Variants in TRIM16 observed in about 807,000 individuals in gnomAD.
TRIM16 encodes the protein tripartite motif-containing protein 16.
Under a neutral mutation model 50.4 loss-of-function variants are expected in TRIM16, and 33 were observed. That is an observed-to-expected ratio of 0.65 (90% CI 0.50 to 0.88). The LOEUF (loss-of-function observed/expected upper bound fraction) is 0.88, where lower values mean the gene tolerates loss of function less well. Among genes scored for constraint, TRIM16 ranks in the 40% least tolerant of loss-of-function variants. TRIM16 has a pLI of 0.00. For synonymous variants in TRIM16, 229 were observed against 270.7 expected, an observed-to-expected ratio of 0.85 and a Z score of 1.51; for missense variants, 581 against 686.8, an observed-to-expected ratio of 0.85 and a Z score of 1.72.
intron 6 of TRIM16, among the ~76,000 whole-genome samples, chr17:15,667,725 C>T (rs1372762936): frequency 6.6e-6 from 1 of 151,934 alleles, no homozygotes; most frequent in Non-Finnish European, 1.5e-5. Flanking sequence ...TCCTATATAC[C>T]CCACACCCAA....
chr17:15,634,736 G>A (rs1331169689), intron 9 of TRIM16, among the ~76,000 whole-genome samples: 5 of 148,698 alleles, frequency 3.4e-5, no homozygotes, highest in Non-Finnish European at 6.0e-5. Context: ...GCTTGAATCC[G>A]GGAGGCGGAG....
At chr17:15,673,655 T>G (rs1029154346) in intron 6 of TRIM16, among the ~76,000 whole-genome samples, 4 of 151,740 alleles carry the variant, frequency 2.6e-5, no homozygotes, top group Non-Finnish European at 5.9e-5. Flanking sequence ...ACCAAAAAAG[T>G]TACTCTAACA....
chr17:15,655,809 C>T (rs1245867665), intron 6 of TRIM16, among the ~76,000 whole-genome samples: 3 of 152,144 alleles, frequency 2.0e-5, no homozygotes, highest in African/African-American at 7.2e-5. Flanking sequence ...CTCCTGACCT[C>T]GTGATCTGCC....
chr17:15,668,087 A>G (rs1013809691), intron 6 of TRIM16, among the ~76,000 whole-genome samples: 7 of 151,930 alleles, frequency 4.6e-5, no homozygotes, highest in African/African-American at 1.7e-4. Context: ...TCCTCTCTGT[A>G]TCTCACCCCG....
intron 1 of TRIM16, 41 bp from the exon 2 acceptor site, chr17:15,683,198 A>T: frequency 7.1e-7 from 1 of 1,416,432 alleles, no homozygotes; most frequent in South Asian, 1.3e-5. Flanking sequence ...CCCCTTTTTC[A>T]TTGTATTTCT....
At chr17:15,629,281 A>G (rs1823253706) in intron 11 of TRIM16, 83 bp from the exon 12 acceptor site, 1 of 767,322 alleles carries the variant, frequency 1.3e-6, no homozygotes. Context: ...GCTGGGCTCC[A>G]AAGCACATAT....
rs987170665 is a variant in TRIM16, at chr17:15,628,396, G to A, written c.*219C>T. The A allele has an allele frequency of 7.4e-6, 4 of 542,742 alleles. No individual in the cohort carries two copies. The highest frequency in any genetic ancestry group is 3.3e-5 in the South Asian group (1 of 30,274). 33.6% of individuals were successfully genotyped at this position (542,742 alleles called of 1,614,324 possible). A position where few individuals can be genotyped will look rare whatever the true frequency, so the allele number is the denominator to read the frequency against. ...TGCTCTCCAGCCTGGGCAACAGTGC[G>A]AGACTCCGTCTCAAAAAAAAAAAAA... is the stretch of plus-strand genomic sequence containing the variant. On this transcript the variant is annotated 3_prime_UTR_variant, in exon 12 of 12. Transcript: ENST00000649191.
At chr17:15,680,785 T>G in intron 4 of TRIM16, 80 bp downstream of exon 4, 2 of 1,456,398 alleles carry the variant, frequency 1.4e-6, no homozygotes, top group Non-Finnish European at 1.8e-6. Flanking sequence ...GGAATTAAAA[T>G]AAGATTTCTG....
Position 15,628,511 on chromosome 17 carries a change from T to A in TRIM16, c.*104A>T. On this transcript the variant is annotated 3_prime_UTR_variant, in exon 12 of 12. Coordinates refer to ENST00000649191, the MANE Select transcript of TRIM16 (RefSeq NM_001348119.1). ...TTTCATTCAGAGACCCCATAGGATT[T>A]CAAAAGCCAGCTACCATCAGCAGTT... The A allele has an allele frequency of 8.0e-7, 1 of 1,247,140 alleles. No individual in the cohort carries two copies. Among genetic ancestry groups the A allele is most frequent in the East Asian group, 2.5e-5 (1 of 39,280 alleles). The allele number at this position is 1,247,140 out of a possible 1,614,324, so 77.3% of individuals were successfully genotyped here.
chr17:15,660,691 G>C lies in TRIM16; in HGVS notation c.-337-8745C>G, dbSNP rs549403597. Among the ~76,000 whole-genome samples, 4 of 152,236 alleles carry C rather than the reference G, an allele frequency of 2.6e-5. No individual in the cohort carries two copies. In the South Asian group the frequency reaches 8.3e-4, roughly 32 times the overall value. On this transcript the variant is annotated intron_variant, in intron 6 of 11. Transcript: ENST00000649191. ...AGGTGGGTGGATCACGAGGTCAGGA[G>C]ATTGAGAACAACCTGGCTAACACGG...
At chr17:15,643,783 A>AG (rs1180904606) in intron 7 of TRIM16, among the ~76,000 whole-genome samples, 1 of 152,258 alleles carries the variant, frequency 6.6e-6, no homozygotes, top group Non-Finnish European at 1.5e-5. Flanking sequence ...AGTTGAGCCT[A>AG]GGCTGACCCC....
chr17:15,663,537 G>A (rs1988340879), intron 6 of TRIM16, among the ~76,000 whole-genome samples: 1 of 152,154 alleles, frequency 6.6e-6, no homozygotes, highest in African/African-American at 2.4e-5. Flanking sequence ...CGAGGATAAA[G>A]AAACAGAAAA....
chr17:15,641,559 GGTTCTACAGGT>G (rs1300444912), intron 8 of TRIM16, among the ~76,000 whole-genome samples: 1 of 148,824 alleles, frequency 6.7e-6, no homozygotes, highest in Non-Finnish European at 1.5e-5. Context: ...CCCTCCATGT[GGTTCTACAGGT>G]TATCTTGAGC....
Position 15,628,402 on chromosome 17 carries a change from C to G in TRIM16, c.*213G>C. 1.8e-6 allele frequency: 1 copy of G among 561,052 alleles called. No homozygotes were observed. The highest frequency in any genetic ancestry group is 2.9e-6 in the Non-Finnish European group (1 of 340,354). The allele number at this position is 561,052 out of a possible 1,614,324, so 34.8% of individuals were successfully genotyped here. A position where few individuals can be genotyped will look rare whatever the true frequency, so the allele number is the denominator to read the frequency against. ...CCAGCCTGGGCAACAGTGCGAGACTCCGTCTCAAAAAAAAAAAAAAGAATT... is the reference window on the plus strand; with the variant it reads ...CCAGCCTGGGCAACAGTGCGAGACTGCGTCTCAAAAAAAAAAAAAAGAATT... On this transcript the variant is annotated 3_prime_UTR_variant, in exon 12 of 12. Coordinates refer to ENST00000649191, the MANE Select transcript of TRIM16 (RefSeq NM_001348119.1).
chr17:15,660,782 C>T (rs1440792639), intron 6 of TRIM16, among the ~76,000 whole-genome samples: 1 of 151,456 alleles, frequency 6.6e-6, no homozygotes, highest in Non-Finnish European at 1.5e-5. Flanking sequence ...CCTGTAGTCC[C>T]AGCTACTTGG....
At chr17:15,645,749 C>G (rs1987343010) in intron 7 of TRIM16, among the ~76,000 whole-genome samples, 1 of 152,200 alleles carries the variant, frequency 6.6e-6, no homozygotes, top group Non-Finnish European at 1.5e-5. Flanking sequence ...GGACTCGCCT[C>G]TCCAGGACAC....
At chr17:15,655,952 T>A (rs189086704) in intron 6 of TRIM16, among the ~76,000 whole-genome samples, 1 of 152,332 alleles carries the variant, frequency 6.6e-6, no homozygotes. Flanking sequence ...AATCAATTTC[T>A]AGTTTGGCCC....
chr17:15,683,201 G>C, intron 1 of TRIM16, 44 bp from the exon 2 acceptor site: 3 of 1,406,672 alleles, frequency 2.1e-6, no homozygotes, highest in South Asian at 2.6e-5. Context: ...CTTTTTCATT[G>C]TATTTCTTTT....
intron 6 of TRIM16, among the ~76,000 whole-genome samples, chr17:15,656,274 C>T (rs1987976347): frequency 6.6e-6 from 1 of 152,176 alleles, no homozygotes; most frequent in Non-Finnish European, 1.5e-5. Flanking sequence ...TAGAAAGTCA[C>T]ATGATTCTTT....
Sources: gnomAD v4.1 joint callset for allele counts (sites outside exome capture counted in the v4.1 genomes callset) on GRCh38, gnomAD v4.1.1 for gene constraint, MANE v1.5 for transcripts, NCBI Gene and HGNC (gene_info 2026-07-23, HGNC 2026-07-21) for gene names.